Variants in TMEM132D observed in about 807,000 individuals in gnomAD.
The protein encoded by TMEM132D is transmembrane protein 132D.
TMEM132D carries 21 observed loss-of-function variants against 62.3 expected under a neutral mutation model. The observed-to-expected ratio is 0.34, with a 90% CI of 0.24 to 0.49. The LOEUF is 0.49. Among genes scored for constraint, TMEM132D ranks in the 20% least tolerant of loss-of-function variants. The pLI is 0.99. For missense variants in TMEM132D, 1,346 were observed against 1,402.8 expected (o/e 0.96, Z 0.65); for synonymous variants, 621 against 575.6 (o/e 1.08, Z -1.13).
intron 4 of TMEM132D, among the ~76,000 whole-genome samples, chr12:129,269,918 A>C (rs1267105385): frequency 6.6e-6 from 1 of 152,310 alleles, no homozygotes; most frequent in East Asian, 1.9e-4. Flanking sequence ...AATGCAACCA[A>C]GGCGTCTGAA....
intron 2 of TMEM132D, among the ~76,000 whole-genome samples, chr12:129,597,967 A>T (rs1878382598): frequency 6.6e-6 from 1 of 152,182 alleles, no homozygotes; most frequent in African/African-American, 2.4e-5. Flanking sequence ...TCAGAAGCAT[A>T]AGAATTCAAT....
intron 5 of TMEM132D, chr12:129,209,080 C>G (rs1319364163): frequency 5.8e-6 from 1 of 171,748 alleles, no homozygotes; most frequent in Admixed American, 5.7e-5. Flanking sequence ...AGTTGTACAC[C>G]TTATACCACC....
At chr12:129,352,715 C>A (rs1219916503) in intron 3 of TMEM132D, among the ~76,000 whole-genome samples, 1 of 152,068 alleles carries the variant, frequency 6.6e-6, no homozygotes, top group African/African-American at 2.4e-5. Context: ...AATGAGATAC[C>A]ATCTCATGCC....
intron 2 of TMEM132D, among the ~76,000 whole-genome samples, chr12:129,645,630 A>G (rs1370690197): frequency 6.6e-6 from 1 of 152,196 alleles, no homozygotes; most frequent in Non-Finnish European, 1.5e-5. Flanking sequence ...TAACACCCTT[A>G]GAATTATTGA....
intron 3 of TMEM132D, among the ~76,000 whole-genome samples, chr12:129,352,425 C>T (rs1869895434): frequency 7.8e-6 from 1 of 128,918 alleles, no homozygotes; most frequent in Non-Finnish European, 1.6e-5. Flanking sequence ...AGTAGCTGTC[C>T]TTTCACCACT....
intron 3 of TMEM132D, among the ~76,000 whole-genome samples, chr12:129,365,370 T>TAAGATTAGA (rs1870371842): frequency 6.6e-6 from 1 of 152,156 alleles, no homozygotes; most frequent in Non-Finnish European, 1.5e-5. Context: ...AATCTTTCCC[T>TAAGATTAGA]AAGATTAGGC....
At chr12:129,403,232 G>A (rs1237715929) in intron 3 of TMEM132D, among the ~76,000 whole-genome samples, 7 of 149,406 alleles carry the variant, frequency 4.7e-5, no homozygotes, top group African/African-American at 9.9e-5. Context: ...ACTTGTCAGC[G>A]AAGGTGATTG....
chr12:129,842,038 C>A (rs1447243856), intron 1 of TMEM132D, among the ~76,000 whole-genome samples: 2 of 148,974 alleles, frequency 1.3e-5, no homozygotes, highest in East Asian at 4.0e-4. Context: ...TCACGCCATT[C>A]TCCTGCCTCA....
At chr12:129,093,044 A>G (rs1358107252) in intron 5 of TMEM132D, among the ~76,000 whole-genome samples, 3 of 152,248 alleles carry the variant, frequency 2.0e-5, no homozygotes, top group African/African-American at 7.2e-5. Context: ...AAATGGACGC[A>G]CTGGAGGACA....
intron 3 of TMEM132D, among the ~76,000 whole-genome samples, chr12:129,493,267 T>C (rs1343642851): frequency 6.6e-6 from 1 of 152,224 alleles, no homozygotes; most frequent in Non-Finnish European, 1.5e-5. Context: ...GTCTATTAAC[T>C]CATCACAATT....
At chr12:129,093,622 T>C (rs1201517150) in intron 5 of TMEM132D, among the ~76,000 whole-genome samples, 4 of 152,226 alleles carry the variant, frequency 2.6e-5, no homozygotes, top group Non-Finnish European at 5.9e-5. Context: ...AGGTCATTTA[T>C]AGATTCAATG....
chr12:129,533,938 G>A (rs1876303974), intron 2 of TMEM132D, among the ~76,000 whole-genome samples: 1 of 152,162 alleles, frequency 6.6e-6, no homozygotes, highest in Non-Finnish European at 1.5e-5. Flanking sequence ...TAAACTGGAT[G>A]GTCATTCTTC....
At chr12:129,083,776 C>A (rs984067240) in intron 6 of TMEM132D, among the ~76,000 whole-genome samples, 5 of 152,184 alleles carry the variant, frequency 3.3e-5, no homozygotes, top group Non-Finnish European at 7.3e-5. Context: ...TTCTTATACA[C>A]GGTTTCTCTG....
chr12:129,485,273 C>A (rs896339438), intron 3 of TMEM132D, among the ~76,000 whole-genome samples: 3 of 152,194 alleles, frequency 2.0e-5, no homozygotes, highest in African/African-American at 7.2e-5. Context: ...GGATATTTAT[C>A]CACCATCTCC....
intron 5 of TMEM132D, among the ~76,000 whole-genome samples, chr12:129,156,737 C>T (rs1427693187): frequency 1.3e-5 from 2 of 152,008 alleles, no homozygotes; most frequent in East Asian, 1.9e-4. Context: ...CCCTCAATAA[C>T]CAAATCACTT....
At chr12:129,574,972 C>CTCT (rs1877619274) in intron 2 of TMEM132D, among the ~76,000 whole-genome samples, 1 of 151,662 alleles carries the variant, frequency 6.6e-6, no homozygotes, top group Non-Finnish European at 1.5e-5. Context: ...CTTGCAGAGA[C>CTCT]GCAGCCAGAG....
chr12:129,435,683 G>C (rs1872768241), intron 3 of TMEM132D, among the ~76,000 whole-genome samples: 1 of 152,118 alleles, frequency 6.6e-6, no homozygotes, highest in South Asian at 2.1e-4. Flanking sequence ...TTTCTCCCCT[G>C]AAGATTCTCC....
intron 1 of TMEM132D, among the ~76,000 whole-genome samples, chr12:129,715,749 T>C (rs192655543): frequency 6.6e-6 from 1 of 152,374 alleles, no homozygotes; most frequent in East Asian, 1.9e-4. Flanking sequence ...TTTACATCTA[T>C]ATGAGATTCA....
intron 2 of TMEM132D, among the ~76,000 whole-genome samples, chr12:129,682,594 CAAAT>C (rs1033924460): frequency 6.6e-6 from 1 of 152,034 alleles, no homozygotes; most frequent in Non-Finnish European, 1.5e-5. Flanking sequence ...TTTGCAGTGA[CAAAT>C]AAGACTTGCA....
Sources: allele counts gnomAD v4.1 joint callset (sites outside exome capture counted in the v4.1 genomes callset), GRCh38; gene constraint gnomAD v4.1.1; transcripts MANE v1.5; gene names NCBI Gene and HGNC (gene_info 2026-07-23, HGNC 2026-07-21).